The following MAPK8IP1 variants were observed in gnomAD, a reference collection of about 807,000 sequenced individuals.
MAPK8IP1 encodes the protein mitogen-activated protein kinase 8 interacting protein 1.
In MAPK8IP1, 17 loss-of-function variants were observed where a neutral mutation model predicts 72.6. The ratio of observed to expected loss-of-function variants is 0.23; its 90% confidence interval spans 0.16 to 0.35. The LOEUF (loss-of-function observed/expected upper bound fraction) is 0.35, where lower values mean the gene tolerates loss of function less well. Among genes scored for constraint, MAPK8IP1 ranks in the 10% least tolerant of loss-of-function variants. MAPK8IP1 has a pLI of 1.00. For synonymous variants in MAPK8IP1, 401 were observed against 443.4 expected, an observed-to-expected ratio of 0.90 and a Z score of 1.20; for missense variants, 789 against 1,009.7, an observed-to-expected ratio of 0.78 and a Z score of 2.96.
intron 1 of MAPK8IP1, among the ~76,000 whole-genome samples, chr11:45,891,467 T>C (rs2086565324): frequency 6.6e-6 from 1 of 152,110 alleles, no homozygotes; most frequent in South Asian, 2.1e-4. Flanking sequence ...TGTGCATAGA[T>C]TGGAGCAAAG....
intron 1 of MAPK8IP1, among the ~76,000 whole-genome samples, chr11:45,895,439 G>A (rs1029772121): frequency 1.5e-4 from 23 of 152,126 alleles, no homozygotes; most frequent in African/African-American, 5.5e-4. Context: ...GGCCAACATG[G>A]TGAAACCCTG....
intron 1 of MAPK8IP1, among the ~76,000 whole-genome samples, chr11:45,892,644 T>C (rs901904132): frequency 1.3e-5 from 2 of 151,900 alleles, no homozygotes; most frequent in Non-Finnish European, 2.9e-5. Context: ...GCTGCGCTAT[T>C]GAAGGAGGAG....
intron 1 of MAPK8IP1, among the ~76,000 whole-genome samples, chr11:45,895,560 C>T (rs1353376327): frequency 6.8e-6 from 1 of 146,858 alleles, no homozygotes; most frequent in Non-Finnish European, 1.5e-5. Flanking sequence ...GCAGAGGCTG[C>T]GGTGAGCCAA....
intron 1 of MAPK8IP1, chr11:45,896,702 CCTGT>C (rs1445793560): frequency 4.2e-6 from 6 of 1,432,734 alleles, no homozygotes; most frequent in East Asian, 5.0e-5. Context: ...CCTCTCCTGG[CCTGT>C]CTATTTTTAA....
chr11:45,890,296 A>G (rs765050994), intron 1 of MAPK8IP1, among the ~76,000 whole-genome samples: 11 of 152,258 alleles, frequency 7.2e-5, no homozygotes, highest in Non-Finnish European at 1.6e-4. Context: ...CCTCTAGGAC[A>G]GGGGTGTCCA....
At position 45,902,648 on chromosome 11, in the gene MAPK8IP1, A is replaced by G; in HGVS notation, c.881A>G (p.Glu294Gly). Residue 294 changes from glutamate (E) to glycine (G), a missense_variant, in exon 5 of 12, where the codon GAG becomes GGG. By Grantham distance (98) the Glu-to-Gly change is moderately conservative. Coordinates refer to ENST00000241014, the MANE Select transcript of MAPK8IP1 (RefSeq NM_005456.4). This position sits in a 1 kb window ranked among gnomAD's most constrained non-coding sequence, Gnocchi z 9.3. ...TPVQRPPDAA[E>G]PTSAFLPPTE... ...GTGCAGAGGCCCCCAGACGCTGCAG[A>G]GCCCACCTCCGCCTTCCTGCCGCCC... 1 of 1,612,848 alleles carries G rather than the reference A, an allele frequency of 6.2e-7. No homozygotes were observed. Among genetic ancestry groups the G allele is most frequent in the Non-Finnish European group, 8.5e-7 (1 of 1,179,924 alleles).
rs756561418 is a variant in MAPK8IP1 at position 45,904,477 on chromosome 11, G to T, written c.1689G>T (p.Trp563Cys). 1.2e-6 allele frequency: 2 copies of T among 1,614,120 alleles called. No homozygotes were observed. Among genetic ancestry groups the T allele is most frequent in the African/African-American group, 2.7e-5 (2 of 75,036 alleles). ...HMAALAKNSD[W>C]VDQFRVKFLG... ...CAGCCCTGGCCAAAAACAGTGACTG[G>T]GTGGACCAGTTCCGGGTGAAGTTCC... The change falls in exon 8 of 12, where the codon TGG (tryptophan) becomes TGT (cysteine). Residue 563 changes from tryptophan to cysteine, a missense_variant. Around this residue, in one of 4 missense-constraint regions of MAPK8IP1, gnomAD observed 188 missense variants for 293.3 expected, o/e 0.64. Transcript: ENST00000241014. This position sits in a 1 kb window ranked among gnomAD's most constrained non-coding sequence, Gnocchi z 6.4.
rs2086608917 is a variant in MAPK8IP1, at chr11:45,896,723, C to T, written c.102-1362C>T. 12 of 1,453,728 alleles carry T rather than the reference C, an allele frequency of 8.3e-6. No homozygotes were observed. In the South Asian group the frequency reaches 1.6e-4, roughly 19 times the overall value. 90.1% of individuals were successfully genotyped at this position (1,453,728 alleles called of 1,614,324 possible). A position where few individuals can be genotyped will look rare whatever the true frequency, so the allele number is the denominator to read the frequency against. On this transcript the variant is annotated intron_variant, in intron 1 of 11. Coordinates refer to ENST00000241014, the MANE Select transcript of MAPK8IP1 (RefSeq NM_005456.4). ...CTGGCCTGTCTATTTTTAATGAGCTCCCCAGGCTTCTGCAGCAGGCAGGAC... is the reference window on the plus strand; with the variant it reads ...CTGGCCTGTCTATTTTTAATGAGCTTCCCAGGCTTCTGCAGCAGGCAGGAC...
At chr11:45,899,194 G>A (rs1005481179) in intron 2 of MAPK8IP1, among the ~76,000 whole-genome samples, 1 of 152,252 alleles carries the variant, frequency 6.6e-6, no homozygotes, top group Non-Finnish European at 1.5e-5. Context: ...TCTAGATTTG[G>A]GGAATGGTCT....
rs1024958056 is a variant in MAPK8IP1, at chr11:45,904,626, G to A, written c.1776+62G>A. 18 of 1,593,472 alleles carry A rather than the reference G, an allele frequency of 1.1e-5. No homozygotes were observed. The highest frequency in any genetic ancestry group is 1.3e-5 in the African/African-American group (1 of 74,442). On this transcript the variant is annotated intron_variant, in intron 8 of 11. Transcript: ENST00000241014. This position sits in a 1 kb window ranked among gnomAD's most constrained non-coding sequence, Gnocchi z 6.4. ...GTCCCTGGGGCAGAGGGACGCAGGT[G>A]TCTAGAGGCAGTAAAGGGCTCAGGC...
At position 45,903,173 on chromosome 11, in the gene MAPK8IP1, C is replaced by T; in HGVS notation, c.1406C>T (p.Ser469Phe). The T allele has an allele frequency of 1.2e-6, 2 of 1,601,708 alleles. No homozygotes were observed. Among genetic ancestry groups the T allele is most frequent in the African/African-American group, 1.3e-5 (1 of 74,806 alleles). The change falls in exon 5 of 12, where the codon TCC becomes TTC. Residue 469 changes from serine to phenylalanine, a missense_variant. Ser to Phe is a radical substitution (Grantham distance 155). Around this residue, in one of 4 missense-constraint regions of MAPK8IP1, gnomAD observed 377 missense variants for 411.7 expected, o/e 0.92. Coordinates refer to ENST00000241014, the MANE Select transcript of MAPK8IP1 (RefSeq NM_005456.4). The surrounding 1 kb of genome is among the most constrained non-coding windows in gnomAD (Gnocchi z 6.4). ...KFLNVFMSGR[S>F]RSSSAESFGL... is the part of the protein sequence containing the mutation. Reference sequence around the variant, plus strand: ...CTGAACGTCTTCATGAGTGGCCGCTCCCGCTCCTCCAGTGAGTCAGCAAGG... The same window carrying T: ...CTGAACGTCTTCATGAGTGGCCGCTTCCGCTCCTCCAGTGAGTCAGCAAGG...
chr11:45,903,457 G>T lies in MAPK8IP1; in HGVS notation c.1493+17G>T, dbSNP rs2086674650. Reference sequence around the variant, plus strand: ...CATATTCAGGTGAGAGCCATGGGCTGGCTGGGCCTAGCCAGGCAGCAGTTT... The same window carrying T: ...CATATTCAGGTGAGAGCCATGGGCTTGCTGGGCCTAGCCAGGCAGCAGTTT... On this transcript the variant is annotated intron_variant, in intron 6 of 11. Transcript: ENST00000241014. This position sits in a 1 kb window ranked among gnomAD's most constrained non-coding sequence, Gnocchi z 6.4. 6.2e-7 allele frequency: 1 copy of T among 1,606,102 alleles called. No individual in the cohort carries two copies. Among genetic ancestry groups the T allele is most frequent in the African/African-American group, 1.3e-5 (1 of 74,974 alleles).
chr11:45,895,951 C>T (rs2086602055), intron 1 of MAPK8IP1, among the ~76,000 whole-genome samples: 1 of 152,146 alleles, frequency 6.6e-6, no homozygotes, highest in Non-Finnish European at 1.5e-5. Context: ...CCACACCCTC[C>T]CCATGGCCTG....
At chr11:45,894,349 T>G (rs1212574134) in intron 1 of MAPK8IP1, among the ~76,000 whole-genome samples, 3 of 151,430 alleles carry the variant, frequency 2.0e-5, no homozygotes, top group Non-Finnish European at 4.4e-5. Context: ...CCTGCCTTAC[T>G]TATGAGAGGC....
chr11:45,892,134 C>T (rs1025828497), intron 1 of MAPK8IP1, among the ~76,000 whole-genome samples: 1 of 152,164 alleles, frequency 6.6e-6, no homozygotes, highest in African/African-American at 2.4e-5. Context: ...GGAATTCTGA[C>T]CCAAAGAACA....
At position 45,905,975 on chromosome 11, in the gene MAPK8IP1, G is replaced by C; in HGVS notation, c.*254G>C. 3.4e-6 allele frequency: 2 copies of C among 585,432 alleles called. No homozygotes were observed. Among genetic ancestry groups the C allele is most frequent in the South Asian group, 4.0e-5 (2 of 50,588 alleles). The allele number at this position is 585,432 out of a possible 1,614,324, so 36.3% of individuals were successfully genotyped here. On this transcript the variant is annotated 3_prime_UTR_variant, in exon 12 of 12. Transcript: ENST00000241014. The stretch of plus-strand genomic sequence containing the variant: ...CTGGGGATTGGGAGGGACAGGGCTT[G>C]GGGAGCAGGTCTCTGGCAGAGAAGG...
At chr11:45,901,808 C>T in intron 3 of MAPK8IP1, 172 bp from the exon 4 acceptor site, 1 of 739,932 alleles carries the variant, frequency 1.4e-6, no homozygotes, top group Non-Finnish European at 2.5e-6. Context: ...CTGTGACTTG[C>T]CACCCTTCCT....
intron 1 of MAPK8IP1, among the ~76,000 whole-genome samples, chr11:45,894,548 A>C (rs1365642246): frequency 1.3e-5 from 2 of 152,178 alleles, no homozygotes; most frequent in East Asian, 1.9e-4. Context: ...GGAAGTGGGA[A>C]TATCAGGTGA....
intron 1 of MAPK8IP1, among the ~76,000 whole-genome samples, chr11:45,889,638 G>A (rs879517394): frequency 6.6e-6 from 1 of 152,042 alleles, no homozygotes; most frequent in Non-Finnish European, 1.5e-5. Flanking sequence ...AAGGGGAATC[G>A]TGGATCTGAG....
Sources: gnomAD v4.1 joint callset for allele counts (sites outside exome capture counted in the v4.1 genomes callset) on GRCh38, gnomAD v4.1.1 for gene constraint, gnomAD v4.1.1 regional missense constraint, Gnocchi (gnomAD v3.1) non-coding constraint, MANE v1.5 for transcripts, NCBI Gene and HGNC (gene_info 2026-07-23, HGNC 2026-07-21) for gene names.